The following GALNT7 variants were observed in gnomAD, a reference collection of about 807,000 sequenced individuals.
The protein encoded by GALNT7 is N-acetylgalactosaminyltransferase 7.
A neutral mutation model predicts 82.1 loss-of-function variants in GALNT7; 60 were observed. That is an observed-to-expected ratio of 0.73 (90% CI 0.59 to 0.91). The LOEUF is 0.91. Ranked by LOEUF, GALNT7 falls within the 40% of genes least tolerant of loss-of-function variation. The pLI is 0.00. For missense variants in GALNT7, 660 were observed against 804.2 expected (o/e 0.82, Z 2.17); for synonymous variants, 243 against 275.1 (o/e 0.88, Z 1.15).
At chr4:173,208,687 C>G (rs986692318) in intron 1 of GALNT7, among the ~76,000 whole-genome samples, 1 of 152,170 alleles carries the variant, frequency 6.6e-6, no homozygotes. Flanking sequence ...CAGCCCGTCT[C>G]TTCCCTGTTA....
chr4:173,280,721 G>T (rs1291562784), intron 2 of GALNT7, among the ~76,000 whole-genome samples: 1 of 152,184 alleles, frequency 6.6e-6, no homozygotes, highest in Non-Finnish European at 1.5e-5. Context: ...TTTAAATGTT[G>T]TCCTTCTTAT....
intron 9 of GALNT7, among the ~76,000 whole-genome samples, chr4:173,315,230 G>A (rs1176027346): frequency 6.6e-6 from 1 of 152,194 alleles, no homozygotes; most frequent in African/African-American, 2.4e-5. Context: ...ATGGGTTGGT[G>A]TGTGAAGGGA....
In GALNT7 at chr4:173,214,095, CA is replaced by C. The variant is rs1213196855; in HGVS notation, c.127-33880del. On this transcript the variant is annotated intron_variant, in intron 1 of 11. Coordinates refer to ENST00000265000, the MANE Select transcript of GALNT7 (RefSeq NM_017423.3). ...CAAACCTCAAACAATCTCTGATTTGCAAAAAGATCAAGATGCCTCTGGAAAT... is the reference window on the plus strand; with the variant it reads ...CAAACCTCAAACAATCTCTGATTTGCAAAAGATCAAGATGCCTCTGGAAAT... Among the ~76,000 whole-genome samples, 13 of 152,094 alleles carry C rather than the reference CA, an allele frequency of 8.5e-5. No homozygotes were observed. The South Asian group carries it at 2.7e-3, about 32-fold the overall frequency.
In GALNT7 at chr4:173,224,828, C is replaced by G. The variant is rs183748588; in HGVS notation, c.127-23152C>G. On this transcript the variant is annotated intron_variant, in intron 1 of 11. Transcript: ENST00000265000. ...GAGATCCAGACCATCCTGGCTAACA[C>G]GGTGAAACCCCGTCTCTACTAAAAA... 5.9e-3 allele frequency among the ~76,000 whole-genome samples: 899 copies of G among 151,454 alleles called. 7 individuals carry two copies. The highest frequency in any genetic ancestry group is 0.021 in the African/African-American group (865 of 41,308).
chr4:173,188,449 G>A (rs769269397), intron 1 of GALNT7, among the ~76,000 whole-genome samples: 1 of 152,172 alleles, frequency 6.6e-6, no homozygotes, highest in Non-Finnish European at 1.5e-5. Flanking sequence ...CCCCCTCAGA[G>A]ATTTCACGGC....
intron 2 of GALNT7, among the ~76,000 whole-genome samples, chr4:173,277,584 G>A (rs539223753): frequency 9.9e-5 from 15 of 152,274 alleles, no homozygotes; most frequent in African/African-American, 3.1e-4. Flanking sequence ...GGGAACTGCT[G>A]TTTAAGGAGA....
At chr4:173,205,741 G>A (rs1434698561) in intron 1 of GALNT7, among the ~76,000 whole-genome samples, 3 of 152,272 alleles carry the variant, frequency 2.0e-5, no homozygotes, top group African/African-American at 7.2e-5. Flanking sequence ...CCCTGGGATG[G>A]TCTGAAACCC....
chr4:173,289,963 G>A (rs924545265), intron 2 of GALNT7, among the ~76,000 whole-genome samples: 5 of 152,162 alleles, frequency 3.3e-5, no homozygotes, highest in Non-Finnish European at 5.9e-5. Flanking sequence ...GTGAAGAATA[G>A]ACATTACTGA....
chr4:173,249,323 A>G lies in GALNT7; in HGVS notation c.587+883A>G, dbSNP rs1734769507. Among the ~76,000 whole-genome samples the G allele has an allele frequency of 2.0e-5, 3 of 152,156 alleles. No individual in the cohort carries two copies. The South Asian group carries it at 6.2e-4, about 31-fold the overall frequency. On this transcript the variant is annotated intron_variant, in intron 2 of 11. Transcript: ENST00000265000. ...CCTGTTCACATACACGTATGCATGT[A>G]CACACACACACTCACACCTATTCAC...
intron 1 of GALNT7, among the ~76,000 whole-genome samples, chr4:173,229,773 C>T (rs1032021234): frequency 4.6e-5 from 7 of 152,118 alleles, no homozygotes; most frequent in Non-Finnish European, 1.0e-4. Context: ...ATCGTATTAT[C>T]GTAGTCTTTG....
At position 173,318,106 on chromosome 4, in the gene GALNT7, A is replaced by G. The variant is rs139608072; in HGVS notation, c.1708-325A>G. On this transcript the variant is annotated intron_variant, in intron 10 of 11. Transcript: ENST00000265000. ...AATAGAGTGTTACTGCCAGTAATGT[A>G]TATTTCACTAATATATATTCTCTTA... is the stretch of plus-strand genomic sequence containing the variant. Among the ~76,000 whole-genome samples the G allele has an allele frequency of 1.1e-3, 167 of 152,262 alleles. 1 individual carries two copies. Among genetic ancestry groups the G allele is most frequent in the Middle Eastern group, 0.01 (3 of 294 alleles).
chr4:173,300,588 C>T (rs991899313), intron 6 of GALNT7, among the ~76,000 whole-genome samples: 1 of 151,618 alleles, frequency 6.6e-6, no homozygotes, highest in East Asian at 1.9e-4. Flanking sequence ...GAGGCTGGCA[C>T]GTTCCCGGTG....
chr4:173,312,295 A>G (rs1001611759), intron 8 of GALNT7, among the ~76,000 whole-genome samples: 3 of 152,218 alleles, frequency 2.0e-5, no homozygotes, highest in African/African-American at 7.2e-5. Flanking sequence ...TGGTTTGAAA[A>G]TTCAGGCTTG....
In GALNT7 at chr4:173,243,599, G is replaced by A. The variant is rs554861240; in HGVS notation, c.127-4381G>A. 9.9e-5 allele frequency among the ~76,000 whole-genome samples: 15 copies of A among 152,252 alleles called. No individual in the cohort carries two copies. The East Asian group carries it at 2.3e-3, about 23-fold the overall frequency. ...TAAAGTATTACACCACTTTATAGCC[G>A]TTGTTTGAATCATATAATTAAGATT... is the stretch of plus-strand genomic sequence containing the variant. On this transcript the variant is annotated intron_variant, in intron 1 of 11. Transcript: ENST00000265000.
rs2126729510 is a variant in GALNT7 at position 173,243,021 on chromosome 4, C to T, written c.127-4959C>T. Reference sequence around the variant, plus strand: ...ATAACCAAGTAGTGTGCATGTTGTTCAAGCAGTGGCCCTTTCCTAAAGCTA... The same window carrying T: ...ATAACCAAGTAGTGTGCATGTTGTTTAAGCAGTGGCCCTTTCCTAAAGCTA... On this transcript the variant is annotated intron_variant, in intron 1 of 11. Transcript: ENST00000265000. 2.0e-5 allele frequency among the ~76,000 whole-genome samples: 3 copies of T among 152,290 alleles called. No homozygotes were observed. The Middle Eastern group carries it at 0.01, about 518-fold the overall frequency.
intron 1 of GALNT7, among the ~76,000 whole-genome samples, chr4:173,211,484 CA>C (rs944650602): frequency 6.6e-6 from 1 of 152,180 alleles, no homozygotes; most frequent in African/African-American, 2.4e-5. Context: ...CTTCCATTCA[CA>C]AATCTGGTGT....
intron 1 of GALNT7, among the ~76,000 whole-genome samples, chr4:173,203,177 T>C (rs980327876): frequency 1.3e-5 from 2 of 152,150 alleles, no homozygotes; most frequent in South Asian, 2.1e-4. Flanking sequence ...CTCTGCAAGC[T>C]CCGCCTCCTG....
At chr4:173,283,518 T>G (rs1045585804) in intron 2 of GALNT7, among the ~76,000 whole-genome samples, 1 of 151,176 alleles carries the variant, frequency 6.6e-6, no homozygotes, top group African/African-American at 2.4e-5. Context: ...CAGGCACCCA[T>G]AATCCCGGCT....
chr4:173,239,562 AAAC>A (rs1269735725), intron 1 of GALNT7, among the ~76,000 whole-genome samples: 2 of 152,206 alleles, frequency 1.3e-5, no homozygotes, highest in African/African-American at 2.4e-5. Context: ...AAACAAAACA[AAAC>A]AAACAAACAA....
Sources: allele counts gnomAD v4.1 joint callset (sites outside exome capture counted in the v4.1 genomes callset), GRCh38; gene constraint gnomAD v4.1.1; transcripts MANE v1.5; gene names NCBI Gene and HGNC (gene_info 2026-07-23, HGNC 2026-07-21).